KIAA0319: variants seen among roughly 807,000 people sequenced by gnomAD.
KIAA0319 encodes dyslexia-associated protein KIAA0319.
KIAA0319 carries 83 observed loss-of-function variants against 108.4 expected under a neutral mutation model. The observed-to-expected ratio is 0.77, with a 90% CI of 0.64 to 0.92. KIAA0319 has a LOEUF of 0.92. Ranked by LOEUF, KIAA0319 falls within the 40% of genes least tolerant of loss-of-function variation. The pLI is 0.00. For synonymous variants in KIAA0319, 484 were observed against 510.4 expected (o/e 0.95, Z 0.70); for missense variants, 1,195 against 1,322.4 (o/e 0.90, Z 1.49).
At chr6:24,556,540 T>C in intron 18 of KIAA0319, 67 bp downstream of exon 18, 1 of 1,549,390 alleles carries the variant, frequency 6.5e-7, no homozygotes, top group Non-Finnish European at 8.8e-7. Flanking sequence ...AGGCAGATAT[T>C]TCTGATACCT....
At chr6:24,550,147 C>G (rs1457609859) in intron 20 of KIAA0319, among the ~76,000 whole-genome samples, 2 of 152,236 alleles carry the variant, frequency 1.3e-5, no homozygotes, top group African/African-American at 4.8e-5. Context: ...GCTACACTCT[C>G]TGTACACGAT....
intron 1 of KIAA0319, among the ~76,000 whole-genome samples, chr6:24,621,179 G>A (rs1293383089): frequency 2.0e-5 from 3 of 152,144 alleles, no homozygotes; most frequent in East Asian, 1.9e-4. Flanking sequence ...TTCTTAGGAC[G>A]TTAGCATTTT....
intron 1 of KIAA0319, among the ~76,000 whole-genome samples, chr6:24,617,847 T>A (rs570917698): frequency 3.0e-4 from 46 of 151,904 alleles, no homozygotes; most frequent in Non-Finnish European, 6.2e-4. Context: ...ATTAGCCAGA[T>A]GTGGTGGCGC....
At position 24,567,623 on chromosome 6, in the gene KIAA0319, A is replaced by T. The variant is rs866419187; in HGVS notation, c.2141-875T>A. 4.9e-4 allele frequency among the ~76,000 whole-genome samples: 74 copies of T among 152,306 alleles called. 1 individual carries two copies. Among genetic ancestry groups the T allele is most frequent in the Middle Eastern group, 3.4e-3 (1 of 294 alleles). ...AGCTGAGGTGAGAGAATCACTTGAG[A>T]TCAGGAGTTTGAGGCTGCAATGAGC... On this transcript the variant is annotated intron_variant, in intron 13 of 20. Transcript: ENST00000378214.
chr6:24,612,187 C>T (rs554585916), intron 1 of KIAA0319, among the ~76,000 whole-genome samples: 27 of 152,236 alleles, frequency 1.8e-4, no homozygotes, highest in Non-Finnish European at 2.9e-4. Flanking sequence ...CATGGTGGCT[C>T]ACACCTGTCA....
chr6:24,624,413 C>T (rs1429002984), intron 1 of KIAA0319, among the ~76,000 whole-genome samples: 1 of 151,848 alleles, frequency 6.6e-6, no homozygotes, highest in Non-Finnish European at 1.5e-5. Flanking sequence ...CATTTGAAAA[C>T]TCAGAATATT....
rs1381188169 is a variant in KIAA0319 at position 24,599,436 on chromosome 6, T to C, written c.55+1613A>G. On this transcript the variant is annotated intron_variant, in intron 2 of 20. Coordinates refer to ENST00000378214, the MANE Select transcript of KIAA0319 (RefSeq NM_014809.4). This position sits in a 1 kb window ranked among gnomAD's most constrained non-coding sequence, Gnocchi z 4.1. ...GTCCAAGCTGGAGGCCACCCTGCAG[T>C]GGGCCATGCAGGACATGGCATGGCA... The C allele has an allele frequency of 5.4e-6, 3 of 552,716 alleles. No individual in the cohort carries two copies. The highest frequency in any genetic ancestry group is 3.8e-5 in the African/African-American group (2 of 53,264). The allele number at this position is 552,716 out of a possible 1,614,324, so 34.2% of individuals were successfully genotyped here. A position where few individuals can be genotyped will look rare whatever the true frequency, so the allele number is the denominator to read the frequency against.
intron 4 of KIAA0319, among the ~76,000 whole-genome samples, chr6:24,586,859 C>G (rs2127497217): frequency 6.6e-6 from 1 of 152,194 alleles, no homozygotes; most frequent in Admixed American, 6.5e-5. Context: ...CTCTTTATCT[C>G]CTACCTCTCT....
intron 2 of KIAA0319, chr6:24,598,214 AG>A (rs1205601554): frequency 3.9e-6 from 2 of 516,848 alleles, no homozygotes; most frequent in Non-Finnish European, 3.6e-6. Context: ...AGTGGTATGG[AG>A]GGCATCACAG....
intron 18 of KIAA0319, among the ~76,000 whole-genome samples, chr6:24,554,921 C>T (rs934530321): frequency 6.6e-6 from 1 of 152,196 alleles, no homozygotes; most frequent in Non-Finnish European, 1.5e-5. Context: ...TAGTCAATTA[C>T]ATAGTAATGC....
In KIAA0319 at chr6:24,549,499, T is replaced by C. The variant is rs148716963; in HGVS notation, c.3040+1935A>G. Among the ~76,000 whole-genome samples, 1,512 of 152,170 alleles carry C rather than the reference T, an allele frequency of 9.9e-3. 18 individuals carry two copies. Among genetic ancestry groups the C allele is most frequent in the Middle Eastern group, 0.017 (5 of 294 alleles). On this transcript the variant is annotated intron_variant, in intron 20 of 20. Coordinates refer to ENST00000378214, the MANE Select transcript of KIAA0319 (RefSeq NM_014809.4). Reference sequence around the variant, plus strand: ...TATCTGTTGTTCATAAGCCTCCTCTTCTGTGGCATTTTGTTAGAGCAGCCC... The same window carrying C: ...TATCTGTTGTTCATAAGCCTCCTCTCCTGTGGCATTTTGTTAGAGCAGCCC...
Position 24,588,718 on chromosome 6 carries a change from CT to C in KIAA0319, c.868del (p.Ser290AlafsTer43). 6.2e-7 allele frequency: 1 copy of C among 1,613,926 alleles called. No homozygotes were observed. Among genetic ancestry groups the C allele is most frequent in the Non-Finnish European group, 8.5e-7 (1 of 1,179,984 alleles). On this transcript the variant is annotated frameshift_variant, in exon 4 of 21. Transcript: ENST00000378214. LOFTEE classifies it high-confidence loss of function. ...LELSSVTVEK[S>X]PVLTVTPGST... is the part of the protein sequence containing the mutation. ...CCCCGGGGTGACTGTGAGCACTGGG[CT>C]TTTCTCCACGGTGACTGAGCTGAGC...
Position 24,547,048 on chromosome 6 carries a change from T to C in KIAA0319, c.*117A>G. On this transcript the variant is annotated 3_prime_UTR_variant, in exon 21 of 21. Transcript: ENST00000378214. The stretch of plus-strand genomic sequence containing the variant: ...CTTTTAGTACGTGGGGATACACATC[T>C]AACCCACTGGGGAAGAAGGTCAATG... 9.0e-7 allele frequency: 1 copy of C among 1,116,306 alleles called. No homozygotes were observed. Among genetic ancestry groups the C allele is most frequent in the Non-Finnish European group, 1.3e-6 (1 of 759,742 alleles). The allele number at this position is 1,116,306 out of a possible 1,614,324, so 69.2% of individuals were successfully genotyped here. A position where few individuals can be genotyped will look rare whatever the true frequency, so the allele number is the denominator to read the frequency against.
In KIAA0319 at chr6:24,629,514, C is replaced by CAAAAAAAAAAAAAA. The variant is rs397974257; in HGVS notation, c.-106+16208_-106+16221dup. Among the ~76,000 whole-genome samples the CAAAAAAAAAAAAAA allele has an allele frequency of 4.1e-3, 173 of 42,266 alleles. 11 individuals are homozygous for CAAAAAAAAAAAAAA. Among genetic ancestry groups the CAAAAAAAAAAAAAA allele is most frequent in the African/African-American group, 8.1e-3 (73 of 8,994 alleles). 27.7% of individuals were successfully genotyped at this position (42,266 alleles called of 152,430 possible). ...TGGGCAACAGAGTGAGACTCTGTCTCAAAAAAAAAAAAAAAAAGAAAGAAA... is the reference window on the plus strand; with the variant it reads ...TGGGCAACAGAGTGAGACTCTGTCTCAAAAAAAAAAAAAAAAAAAAAAAAAAAAAAAGAAAGAAA... On this transcript the variant is annotated intron_variant, in intron 1 of 20. Transcript: ENST00000378214.
Position 24,608,658 on chromosome 6 carries a change from C to T in KIAA0319, c.-105-7450G>A, listed in dbSNP as rs575936096. 5.9e-5 allele frequency among the ~76,000 whole-genome samples: 9 copies of T among 152,172 alleles called. No individual in the cohort carries two copies. In the East Asian group the frequency reaches 9.7e-4, roughly 16 times the overall value. ...TAAAAATCGCATGTCAGGCCAGGCG[C>T]GGTGGCTCACGCCTGTAATCCCAGC... On this transcript the variant is annotated intron_variant, in intron 1 of 20. Coordinates refer to ENST00000378214, the MANE Select transcript of KIAA0319 (RefSeq NM_014809.4).
rs1365107137 is a variant in KIAA0319, at chr6:24,568,804, G to A, written c.2117C>T (p.Thr706Ile). 5.6e-6 allele frequency: 9 copies of A among 1,614,024 alleles called. No homozygotes were observed. Among genetic ancestry groups the A allele is most frequent in the South Asian group, 1.1e-5 (1 of 91,086 alleles). Residue 706 changes from threonine (T) to isoleucine (I), a missense_variant, in exon 13 of 21, where the codon ACC (threonine) becomes ATC (isoleucine). Thr to Ile is a moderately conservative substitution (Grantham distance 89). Coordinates refer to ENST00000378214, the MANE Select transcript of KIAA0319 (RefSeq NM_014809.4). ...ACCCTTCTTCACAGCCACAGTGAGGGTGGACGTGCTGCTCAGTCCCTGCTG... is the reference window on the plus strand; with the variant it reads ...ACCCTTCTTCACAGCCACAGTGAGGATGGACGTGCTGCTCAGTCCCTGCTG... ...KDQQGLSSTS[T>I]LTVAVKKENN...
At chr6:24,552,097 T>G (rs1431735618) in intron 19 of KIAA0319, among the ~76,000 whole-genome samples, 1 of 151,464 alleles carries the variant, frequency 6.6e-6, no homozygotes, top group Non-Finnish European at 1.5e-5. Context: ...AAAATACACA[T>G]CCAAACCATG....
intron 14 of KIAA0319, among the ~76,000 whole-genome samples, chr6:24,565,794 G>C (rs1763830130): frequency 6.7e-6 from 1 of 148,942 alleles, no homozygotes; most frequent in South Asian, 2.1e-4. Flanking sequence ...AAATGGATTA[G>C]TTAACCTCGG....
Position 24,595,979 on chromosome 6 carries a change from C to T in KIAA0319, c.695G>A (p.Arg232Lys), listed in dbSNP as rs1242099216. The T allele has an allele frequency of 3.0e-5, 49 of 1,614,104 alleles. No homozygotes were observed. The highest frequency in any genetic ancestry group is 4.0e-5 in the Non-Finnish European group (47 of 1,180,056). ...ASTPAPKLPE[R>K]SVLLPLPTTP... ...AGTCGGCAAGGGAAGCAACACACTT[C>T]TCTCAGGGAGTTTTGGGGCAGGGGT... Residue 232 changes from arginine (R) to lysine (K), a missense_variant, in exon 3 of 21, where the codon AGA becomes AAA. Arg to Lys is a conservative substitution (Grantham distance 26). Coordinates refer to ENST00000378214, the MANE Select transcript of KIAA0319 (RefSeq NM_014809.4).
Sources: allele counts gnomAD v4.1 joint callset (sites outside exome capture counted in the v4.1 genomes callset), GRCh38; gene constraint gnomAD v4.1.1; non-coding constraint Gnocchi (gnomAD v3.1); transcripts MANE v1.5; gene names NCBI Gene and HGNC (gene_info 2026-07-23, HGNC 2026-07-21).